GJB7: variants seen among roughly 807,000 people sequenced by gnomAD.
GJB7 encodes gap junction beta-7 protein.
For missense variants in GJB7, 253 were observed against 256.8 expected, an observed-to-expected ratio of 0.99 and a Z score of 0.10; for synonymous variants, 87 against 95.2, an observed-to-expected ratio of 0.91 and a Z score of 0.50.
intron 2 of GJB7, among the ~76,000 whole-genome samples, chr6:87,296,062 A>G (rs528526810): frequency 6.6e-6 from 1 of 152,342 alleles, no homozygotes; most frequent in Non-Finnish European, 1.5e-5. Context: ...TGTGGATCTT[A>G]AGAAAACAAG....
At chr6:87,302,609 A>AG (rs1776350673) in intron 2 of GJB7, among the ~76,000 whole-genome samples, 1 of 152,248 alleles carries the variant, frequency 6.6e-6, no homozygotes, top group African/African-American at 2.4e-5. Flanking sequence ...ACTCTGCAGG[A>AG]TATTATGCAG....
chr6:87,306,099 T>C (rs1776423062), intron 2 of GJB7, among the ~76,000 whole-genome samples: 1 of 151,870 alleles, frequency 6.6e-6, no homozygotes, highest in Non-Finnish European at 1.5e-5. Context: ...GGCATTACCA[T>C]TCAGGACATA....
intron 2 of GJB7, among the ~76,000 whole-genome samples, chr6:87,301,252 C>G (rs1348951599): frequency 6.6e-6 from 1 of 152,172 alleles, no homozygotes; most frequent in Non-Finnish European, 1.5e-5. Flanking sequence ...CCGGGAAGCA[C>G]AAGGGGTCAG....
chr6:87,316,794 T>C (rs948932176), intron 2 of GJB7, among the ~76,000 whole-genome samples: 1 of 152,232 alleles, frequency 6.6e-6, no homozygotes, highest in Non-Finnish European at 1.5e-5. Flanking sequence ...TTCTCCAGTG[T>C]CATTTCTCTC....
chr6:87,305,953 C>T (rs1776420510), intron 2 of GJB7, among the ~76,000 whole-genome samples: 1 of 151,900 alleles, frequency 6.6e-6, no homozygotes, highest in Non-Finnish European at 1.5e-5. Context: ...ATAAATGGTG[C>T]TGGGAAAACT....
At chr6:87,317,880 C>CTT (rs5878027) in intron 2 of GJB7, among the ~76,000 whole-genome samples, 147 of 152,020 alleles carry the variant, frequency 9.7e-4, no homozygotes, top group Admixed American at 1.2e-3. Context: ...TAAACTTATG[C>CTT]TTTTTTCAAA....
chr6:87,304,239 G>A (rs1231104402), intron 2 of GJB7, among the ~76,000 whole-genome samples: 9 of 152,130 alleles, frequency 5.9e-5, no homozygotes, highest in Admixed American at 3.3e-4. Context: ...GAATCCAGGA[G>A]CTGGTTTTTT....
chr6:87,301,300 C>T (rs764985163), intron 2 of GJB7, among the ~76,000 whole-genome samples: 15 of 152,122 alleles, frequency 9.9e-5, no homozygotes, highest in Admixed American at 2.0e-4. Flanking sequence ...CTGTGACAGA[C>T]GGCACCTGGA....
rs1562206624 is a variant in GJB7 at position 87,284,248 on chromosome 6, CTG to C, written c.663_664del (p.Ser222CysfsTer35). 1 of 1,612,470 alleles carries C rather than the reference CTG, an allele frequency of 6.2e-7. No individual in the cohort carries two copies. The highest frequency in any genetic ancestry group is 1.1e-5 in the South Asian group (1 of 90,910). The stretch of plus-strand genomic sequence containing the variant: ...TATCTGAGGCTGTGGCACTCACACA[CTG>C]AGGACTTGAGGTTTTTTTAAATATT... On this transcript the variant is annotated frameshift_variant, in exon 3 of 3. Coordinates refer to ENST00000525899, the MANE Select transcript of GJB7 (RefSeq NM_198568.3). LOFTEE classifies it high-confidence loss of function.
chr6:87,290,203 T>C (rs1776144032), intron 2 of GJB7, among the ~76,000 whole-genome samples: 1 of 152,134 alleles, frequency 6.6e-6, no homozygotes, highest in Non-Finnish European at 1.5e-5. Flanking sequence ...CATCCAACAC[T>C]CCCAATAAGT....
chr6:87,291,689 G>A (rs1485291112), intron 2 of GJB7, among the ~76,000 whole-genome samples: 2 of 152,202 alleles, frequency 1.3e-5, no homozygotes, highest in East Asian at 3.8e-4. Context: ...TCCAGAAAGA[G>A]CACATGTGAT....
chr6:87,285,372 C>G (rs1398628977), intron 2 of GJB7, among the ~76,000 whole-genome samples: 1 of 152,184 alleles, frequency 6.6e-6, no homozygotes, highest in Non-Finnish European at 1.5e-5. Flanking sequence ...TACTCACTTT[C>G]TCTAATTCGT....
intron 1 of GJB7, among the ~76,000 whole-genome samples, chr6:87,328,750 C>T (rs1776909102): frequency 6.6e-6 from 1 of 152,224 alleles, no homozygotes; most frequent in South Asian, 2.1e-4. Flanking sequence ...CAGAGGCAGG[C>T]AGGCCTCCTT....
intron 1 of GJB7, among the ~76,000 whole-genome samples, chr6:87,326,835 T>C (rs1325031634): frequency 8.2e-6 from 1 of 121,366 alleles, no homozygotes; most frequent in Non-Finnish European, 1.7e-5. Context: ...TGACTTTCTG[T>C]CTCGTTGATC....
intron 1 of GJB7, among the ~76,000 whole-genome samples, chr6:87,325,976 C>T (rs200498856): frequency 4.6e-5 from 7 of 151,782 alleles, no homozygotes; most frequent in Non-Finnish European, 8.9e-5. Flanking sequence ...GATTCAACTT[C>T]TTCCTAGTTT....
At chr6:87,327,910 G>A (rs1042732176) in intron 1 of GJB7, among the ~76,000 whole-genome samples, 5 of 149,526 alleles carry the variant, frequency 3.3e-5, no homozygotes, top group African/African-American at 1.0e-4. Context: ...CGTAGATTTG[G>A]TCTTTTCACA....
chr6:87,317,679 C>CCT (rs1440124488), intron 2 of GJB7, among the ~76,000 whole-genome samples: 2 of 152,146 alleles, frequency 1.3e-5, no homozygotes, highest in Admixed American at 6.5e-5. Context: ...GATCTGCCCG[C>CCT]CTCAGCCTCC....
At chr6:87,324,630 T>A (rs1311283086) in intron 1 of GJB7, among the ~76,000 whole-genome samples, 1 of 138,882 alleles carries the variant, frequency 7.2e-6, no homozygotes, top group Admixed American at 7.1e-5. Context: ...TTGATCTATA[T>A]CTCTGTTTTG....
chr6:87,308,386 A>AT (rs1281411105), intron 2 of GJB7, among the ~76,000 whole-genome samples: 1 of 152,212 alleles, frequency 6.6e-6, no homozygotes, highest in African/African-American at 2.4e-5. Flanking sequence ...AAAAAAATCA[A>AT]TTACAGATTC....
Sources: allele counts gnomAD v4.1 joint callset (sites outside exome capture counted in the v4.1 genomes callset), GRCh38; gene constraint gnomAD v4.1.1; transcripts MANE v1.5; gene names NCBI Gene and HGNC (gene_info 2026-07-23, HGNC 2026-07-21).